COL11A2: variants seen among roughly 807,000 people sequenced by gnomAD.
COL11A2 encodes collagen type XI alpha 2 chain.
In COL11A2, 116 loss-of-function variants were observed where a neutral mutation model predicts 273.4. The ratio of observed to expected loss-of-function variants is 0.42; its 90% CI spans 0.36 to 0.49. The LOEUF (loss-of-function observed/expected upper bound fraction) is 0.49, where lower values mean the gene tolerates loss of function less well. Among genes scored for constraint, COL11A2 ranks in the 20% least tolerant of loss-of-function variants. COL11A2 has a pLI of 0.00. For missense variants in COL11A2, 1,866 were observed against 2,309.0 expected (o/e 0.81, Z 3.93); for synonymous variants, 782 against 864.2 (o/e 0.90, Z 1.67).
chr6:33,178,245 C>A lies in COL11A2; in HGVS notation c.1819-60G>T. ...TGGATAAAACTGTGTCCCTTTAGTGCTCATGTCCCCCTCCTGGCTTCCCCA... is the reference window on the plus strand; with the variant it reads ...TGGATAAAACTGTGTCCCTTTAGTGATCATGTCCCCCTCCTGGCTTCCCCA... On this transcript the variant is annotated intron_variant, in intron 20 of 65. Transcript: ENST00000341947. This position sits in a 1 kb window ranked among gnomAD's most constrained non-coding sequence, Gnocchi z 4.6. 1 of 1,612,674 alleles carries A rather than the reference C, an allele frequency of 6.2e-7. No individual in the cohort carries two copies. The highest frequency in any genetic ancestry group is 8.5e-7 in the Non-Finnish European group (1 of 1,179,840).
Position 33,167,747 on chromosome 6 carries a change from AGGGGT to A in COL11A2, c.4014+47_4014+51del. 1 of 1,573,636 alleles carries A rather than the reference AGGGGT, an allele frequency of 6.4e-7. No homozygotes were observed. Among genetic ancestry groups the A allele is most frequent in the Non-Finnish European group, 8.7e-7 (1 of 1,153,428 alleles). On this transcript the variant is annotated intron_variant, in intron 55 of 65. Transcript: ENST00000341947. This position sits in a 1 kb window ranked among gnomAD's most constrained non-coding sequence, Gnocchi z 6.1. ...GGGCATCTGGAGACGGAGGCATCTGAGGGGTGGGAGGCGGAGGGGATGCTCCAGCA... is the reference window on the plus strand; with the variant it reads ...GGGCATCTGGAGACGGAGGCATCTGAGGGAGGCGGAGGGGATGCTCCAGCA...
rs1044199699 is a variant in COL11A2 at position 33,173,264 on chromosome 6, G to A, written c.2736+84C>T. On this transcript the variant is annotated intron_variant, in intron 37 of 65. Transcript: ENST00000341947. This position sits in a 1 kb window ranked among gnomAD's most constrained non-coding sequence, Gnocchi z 6.3. ...GCAGGCTCCACTCTGCCAGGAGAACGTCCCTGTGGGCTTTCCAGACAGCTC... is the reference window on the plus strand; with the variant it reads ...GCAGGCTCCACTCTGCCAGGAGAACATCCCTGTGGGCTTTCCAGACAGCTC... The A allele has an allele frequency of 1.5e-5, 24 of 1,572,720 alleles. No individual in the cohort carries two copies. The African/African-American group carries it at 1.8e-4, about 11-fold the overall frequency.
chr6:33,175,624 G>A lies in COL11A2; in HGVS notation c.2326C>T (p.Arg776Cys), dbSNP rs776701792. 7.8e-5 allele frequency: 125 copies of A among 1,612,874 alleles called. No individual in the cohort carries two copies. Among genetic ancestry groups the A allele is most frequent in the Middle Eastern group, 3.3e-4 (2 of 6,062 alleles). The change falls in exon 30 of 66, where the codon CGC (arginine) becomes TGC (cysteine). Residue 776 changes from arginine to cysteine, a missense_variant. Physicochemically the swap from Arg to Cys is radical, Grantham distance 180. Coordinates refer to ENST00000341947, the MANE Select transcript of COL11A2 (RefSeq NM_080680.3). The part of the protein sequence containing the change: ...GEDGPEGPKG[R>C]TGPTGDPGPP... ...CCAGGGTCTCCAGTCGGTCCAGTGC[G>A]TCCCTTTGGCCCCTCAGGACCATCC... is the stretch of plus-strand genomic sequence containing the variant.
At position 33,179,278 on chromosome 6, in the gene COL11A2, G is replaced by A. The variant is rs765609390; in HGVS notation, c.1510C>T (p.Pro504Ser). Residue 504 changes from proline to serine, a missense_variant, in exon 15 of 66, where the codon CCT becomes TCT. By Grantham distance (74) the Pro-to-Ser change is moderately conservative. Coordinates refer to ENST00000341947, the MANE Select transcript of COL11A2 (RefSeq NM_080680.3). The surrounding 1 kb of genome is among the most constrained non-coding windows in gnomAD (Gnocchi z 6.4). ...YTGRPGPLGQ[P>S]GSPGLKGESG... ...TCTCCTTTCAGGCCAGGGCTCCCAG[G>A]TTGGCCCTGGGAGAGAGAAGAGAGG... The A allele has an allele frequency of 1.7e-5, 28 of 1,610,542 alleles. No homozygotes were observed. Among genetic ancestry groups the A allele is most frequent in the Non-Finnish European group, 2.4e-5 (28 of 1,179,008 alleles).
chr6:33,169,304 T>C lies in COL11A2; in HGVS notation c.3798+79A>G. The C allele has an allele frequency of 7.5e-7, 1 of 1,327,210 alleles. No individual in the cohort carries two copies. Among genetic ancestry groups the C allele is most frequent in the Non-Finnish European group, 1.1e-6 (1 of 938,992 alleles). 82.2% of individuals were successfully genotyped at this position (1,327,210 alleles called of 1,614,324 possible). On this transcript the variant is annotated intron_variant, in intron 51 of 65. Transcript: ENST00000341947. This position sits in a 1 kb window ranked among gnomAD's most constrained non-coding sequence, Gnocchi z 5.5. Reference sequence around the variant, plus strand: ...CCGGGCTCCCCACACTCCAAGATCCTCCCTCACACACACCCATATTCCCAG... The same window carrying C: ...CCGGGCTCCCCACACTCCAAGATCCCCCCTCACACACACCCATATTCCCAG...
intron 6 of COL11A2, 144 bp downstream of exon 6, chr6:33,185,557 G>C (rs1583371918): frequency 2.2e-6 from 1 of 461,610 alleles, no homozygotes; most frequent in East Asian, 6.2e-5. Flanking sequence ...AGACAGGGAG[G>C]GGGCAGGAAC....
Position 33,188,570 on chromosome 6 carries a change from G to A in COL11A2, c.444-46C>T, listed in dbSNP as rs532356946. ...TCAAGTGAACTCTTGGCTGACTGAA[G>A]TAGGGGAGTCAACATGGTTGGAGAG... On this transcript the variant is annotated intron_variant, in intron 3 of 65. Coordinates refer to ENST00000341947, the MANE Select transcript of COL11A2 (RefSeq NM_080680.3). 13 of 1,610,888 alleles carry A rather than the reference G, an allele frequency of 8.1e-6. No individual in the cohort carries two copies. The South Asian group carries it at 1.2e-4, about 15-fold the overall frequency.
chr6:33,192,846 C>T (rs1165918976), upstream of COL11A2, among the ~76,000 whole-genome samples: 1 of 151,866 alleles, frequency 6.6e-6, no homozygotes, highest in South Asian at 2.1e-4. Flanking sequence ...GGGTCGCAGT[C>T]CCCACCCCAC....
At position 33,169,558 on chromosome 6, in the gene COL11A2, C is replaced by A. The variant is rs1769735600; in HGVS notation, c.3691-68G>T. On this transcript the variant is annotated intron_variant, in intron 50 of 65. Coordinates refer to ENST00000341947, the MANE Select transcript of COL11A2 (RefSeq NM_080680.3). This position sits in a 1 kb window ranked among gnomAD's most constrained non-coding sequence, Gnocchi z 5.5. ...AAGATCAGGGATGCAGCCTCTGCTT[C>A]CGAGACACCTTCAGCCATCCCCTAC... The A allele has an allele frequency of 6.8e-7, 1 of 1,475,244 alleles. No homozygotes were observed. Among genetic ancestry groups the A allele is most frequent in the Admixed American group, 1.7e-5 (1 of 58,470 alleles). The allele number at this position is 1,475,244 out of a possible 1,614,324, so 91.4% of individuals were successfully genotyped here.
intron 41 of COL11A2, 101 bp downstream of exon 41, chr6:33,171,949 C>T (rs915926519): frequency 1.3e-6 from 2 of 1,549,200 alleles, no homozygotes; most frequent in African/African-American, 1.4e-5. Flanking sequence ...CAGCCTCTGC[C>T]CAGCCCCACA....
chr6:33,176,589 G>T lies in COL11A2; in HGVS notation c.2116-103C>A. 7.1e-7 allele frequency: 1 copy of T among 1,398,776 alleles called. No individual in the cohort carries two copies. Among genetic ancestry groups the T allele is most frequent in the Non-Finnish European group, 1.0e-6 (1 of 992,620 alleles). The allele number at this position is 1,398,776 out of a possible 1,614,324, so 86.6% of individuals were successfully genotyped here. A position where few individuals can be genotyped will look rare whatever the true frequency, so the allele number is the denominator to read the frequency against. ...AAGTAACAACATTGCTGTCTGGGTA[G>T]GGTTACGGGGCACAGGAATTGAGAA... is the stretch of plus-strand genomic sequence containing the variant. On this transcript the variant is annotated intron_variant, in intron 26 of 65. Transcript: ENST00000341947. This position sits in a 1 kb window ranked among gnomAD's most constrained non-coding sequence, Gnocchi z 4.9.
chr6:33,169,060 A>G lies in COL11A2; in HGVS notation c.3799-52T>C, dbSNP rs1342370160. The G allele has an allele frequency of 6.5e-7, 1 of 1,539,688 alleles. No homozygotes were observed. The highest frequency in any genetic ancestry group is 1.4e-5 in the African/African-American group (1 of 72,410). On this transcript the variant is annotated intron_variant, in intron 51 of 65. Transcript: ENST00000341947. This position sits in a 1 kb window ranked among gnomAD's most constrained non-coding sequence, Gnocchi z 5.5. ...GGGTCACAGCTCCCTAAGCCCACCC[A>G]GCACAGACGCCCACAGGCACACGCC...
chr6:33,178,560 T>G lies in COL11A2; in HGVS notation c.1720-72A>C. ...CAGGCAGACACCGAACCTCTGCACT[T>G]AGCCCATCCATTACTTTCACTGAGC... On this transcript the variant is annotated intron_variant, in intron 18 of 65. Coordinates refer to ENST00000341947, the MANE Select transcript of COL11A2 (RefSeq NM_080680.3). This position sits in a 1 kb window ranked among gnomAD's most constrained non-coding sequence, Gnocchi z 4.6. The G allele has an allele frequency of 6.2e-7, 1 of 1,609,218 alleles. No homozygotes were observed. The highest frequency in any genetic ancestry group is 8.5e-7 in the Non-Finnish European group (1 of 1,176,804).
At position 33,171,507 on chromosome 6, in the gene COL11A2, G is replaced by A. The variant is rs777423581; in HGVS notation, c.3218C>T (p.Pro1073Leu). Residue 1073 changes from proline (P) to leucine (L), a missense_variant, in exon 43 of 66, where the codon CCT becomes CTT. Transcript: ENST00000341947. Reference sequence around the variant, plus strand: ...TCCAGCCACACCTGGAGGCCCAGCAGGACCAGGAAGCCCCACAGGACCCTG... The same window carrying A: ...TCCAGCCACACCTGGAGGCCCAGCAAGACCAGGAAGCCCCACAGGACCCTG... ...GVQGPVGLPG[P>L]AGPPGVAGED... 16 of 1,614,114 alleles carry A rather than the reference G, an allele frequency of 9.9e-6. No homozygotes were observed. The South Asian group carries it at 1.8e-4, about 18-fold the overall frequency.
chr6:33,184,695 G>A (rs376008426), intron 7 of COL11A2, among the ~76,000 whole-genome samples: 17 of 152,262 alleles, frequency 1.1e-4, no homozygotes, highest in South Asian at 4.2e-4. Flanking sequence ...AGTGGCTCCC[G>A]GGAACAGAAA....
intron 1 of COL11A2, 62 bp downstream of exon 1, chr6:33,192,097 T>C: frequency 1.3e-6 from 2 of 1,487,290 alleles, no homozygotes; most frequent in Non-Finnish European, 9.2e-7. Flanking sequence ...GCTGGCCCCT[T>C]CCCAGAGACA....
rs1768970323 is a variant in COL11A2 at position 33,165,410 on chromosome 6, G to C, written c.4750+139C>G. On this transcript the variant is annotated intron_variant, in intron 63 of 65. Coordinates refer to ENST00000341947, the MANE Select transcript of COL11A2 (RefSeq NM_080680.3). The surrounding 1 kb of genome is among the most constrained non-coding windows in gnomAD (Gnocchi z 7.7). ...TATTGGGATACTTCTGACCTGGTTAGTAAATAGCTGCAGTTCCCAGCCCCT... is the reference window on the plus strand; with the variant it reads ...TATTGGGATACTTCTGACCTGGTTACTAAATAGCTGCAGTTCCCAGCCCCT... 7.6e-7 allele frequency: 1 copy of C among 1,317,870 alleles called. No homozygotes were observed. Among genetic ancestry groups the C allele is most frequent in the Non-Finnish European group, 1.1e-6 (1 of 931,480 alleles). The allele number at this position is 1,317,870 out of a possible 1,614,324, so 81.6% of individuals were successfully genotyped here.
intron 43 of COL11A2, 33 bp downstream of exon 43, chr6:33,171,431 AAAG>A: frequency 6.2e-7 from 1 of 1,611,234 alleles, no homozygotes; most frequent in Non-Finnish European, 8.5e-7. Flanking sequence ...TCTCATCTGG[AAAG>A]AAGATTGGTC....
Position 33,173,703 on chromosome 6 carries a change from T to G in COL11A2, c.2626A>C (p.Arg876=). 2 of 1,569,436 alleles carry G rather than the reference T, an allele frequency of 1.3e-6. No individual in the cohort carries two copies. Among genetic ancestry groups the G allele is most frequent in the South Asian group, 1.2e-5 (1 of 83,768 alleles). Residue 876 remains arginine (R), a splice_region_variant and synonymous_variant, in exon 35 of 66, where the codon AGG becomes CGG. Transcript: ENST00000341947. This position sits in a 1 kb window ranked among gnomAD's most constrained non-coding sequence, Gnocchi z 6.3. ...GDGPHGPPGE[R]GLPGPQGPNG... ...GGGGACTTTCGATCCACACTCACCC[T>G]CTCTCCAGGGGGCCCATGGGGGCCA...
Sources: allele counts gnomAD v4.1 joint callset (sites outside exome capture counted in the v4.1 genomes callset), GRCh38; gene constraint gnomAD v4.1.1; non-coding constraint Gnocchi (gnomAD v3.1); transcripts MANE v1.5; gene names NCBI Gene and HGNC (gene_info 2026-07-23, HGNC 2026-07-21).